Variants in COG5 observed in about 807,000 individuals in gnomAD.
COG5 encodes the protein component of oligomeric golgi complex 5.
Under a neutral mutation model 110.4 loss-of-function variants are expected in COG5, and 86 were observed. That is an observed-to-expected ratio of 0.78 (90% CI 0.65 to 0.93). COG5 has a LOEUF of 0.93. Among genes scored for constraint, COG5 ranks in the 40% least tolerant of loss-of-function variants. The probability of loss-of-function intolerance (pLI) is 0.00; values close to 1 mark genes in which losing one functional copy is unlikely to be tolerated. For synonymous variants in COG5, 360 were observed against 334.6 expected, an observed-to-expected ratio of 1.08 and a Z score of -0.83; for missense variants, 1,077 against 987.0, an observed-to-expected ratio of 1.09 and a Z score of -1.22.
Position 107,362,015 on chromosome 7 carries a change from A to G in COG5, c.1026+18T>C. ...TTTTGTACAAGAAAGATGTAAAAAT[A>G]TTTTCCTTTAAACATACCTTAACTA... On this transcript the variant is annotated intron_variant, in intron 10 of 21. Transcript: ENST00000297135. 6.6e-7 allele frequency: 1 copy of G among 1,517,564 alleles called. No homozygotes were observed. Among genetic ancestry groups the G allele is most frequent in the Non-Finnish European group, 9.1e-7 (1 of 1,098,928 alleles). 94.0% of individuals were successfully genotyped at this position (1,517,564 alleles called of 1,614,324 possible).
intron 6 of COG5, among the ~76,000 whole-genome samples, chr7:107,424,504 ACTT>A (rs1437916198): frequency 6.9e-6 from 1 of 144,660 alleles, no homozygotes; most frequent in Non-Finnish European, 1.5e-5. Context: ...CCTCAACAAA[ACTT>A]TTTTTTTTTT....
chr7:107,290,963 T>C (rs573930709), intron 12 of COG5, among the ~76,000 whole-genome samples: 7 of 152,296 alleles, frequency 4.6e-5, no homozygotes, highest in Non-Finnish European at 5.9e-5. Context: ...GCCGATTGTA[T>C]AGTTTTTCCC....
chr7:107,238,995 C>T (rs1376714996), intron 17 of COG5, among the ~76,000 whole-genome samples: 2 of 152,154 alleles, frequency 1.3e-5, no homozygotes, highest in Admixed American at 6.5e-5. Context: ...AATGTAATCA[C>T]ATTTGTCTAT....
chr7:107,219,525 C>G (rs1799755683), intron 19 of COG5, among the ~76,000 whole-genome samples: 1 of 152,162 alleles, frequency 6.6e-6, no homozygotes, highest in South Asian at 2.1e-4. Flanking sequence ...CAAATCCTGT[C>G]ATTCGACAAC....
At chr7:107,231,858 T>TA (rs1800798794) in intron 18 of COG5, among the ~76,000 whole-genome samples, 1 of 152,260 alleles carries the variant, frequency 6.6e-6, no homozygotes. Flanking sequence ...ATTTATTTAT[T>TA]AAAACAATAT....
chr7:107,294,916 T>C (rs1460368849), intron 12 of COG5, among the ~76,000 whole-genome samples: 1 of 93,898 alleles, frequency 1.1e-5, no homozygotes, highest in Admixed American at 1.1e-4. Flanking sequence ...TGTGTGTGTG[T>C]GTGTGTGTAT....
At chr7:107,238,279 A>G (rs1001202525) in intron 17 of COG5, among the ~76,000 whole-genome samples, 1 of 152,208 alleles carries the variant, frequency 6.6e-6, no homozygotes, top group African/African-American at 2.4e-5. Context: ...TTCACTTAGC[A>G]TAATGTTCTG....
In COG5 at chr7:107,216,603, G is replaced by A. The variant is rs573156251; in HGVS notation, c.2169-5378C>T. Reference sequence around the variant, plus strand: ...GACATCAATAATAGGAAAAATCTTTGAAATGCCACAAATATGTGGAAATTA... The same window carrying A: ...GACATCAATAATAGGAAAAATCTTTAAAATGCCACAAATATGTGGAAATTA... On this transcript the variant is annotated intron_variant, in intron 19 of 21. Transcript: ENST00000297135. 5.3e-5 allele frequency among the ~76,000 whole-genome samples: 8 copies of A among 152,202 alleles called. No individual in the cohort carries two copies. In the East Asian group the frequency reaches 1.5e-3, roughly 29 times the overall value.
Position 107,330,782 on chromosome 7 carries a change from T to C in COG5, c.1027-6261A>G, listed in dbSNP as rs1810166456. ...AGTAGAAATAATATTTTCATGGGAT[T>C]TATTTTGTTATGAAGAATCAGGATC... On this transcript the variant is annotated intron_variant, in intron 10 of 21. Transcript: ENST00000297135. Among the ~76,000 whole-genome samples, 4 of 152,186 alleles carry C rather than the reference T, an allele frequency of 2.6e-5. 1 individual carries two copies. In the South Asian group the frequency reaches 8.3e-4, roughly 32 times the overall value.
At chr7:107,255,940 C>T (rs1014402750) in intron 16 of COG5, among the ~76,000 whole-genome samples, 1 of 151,974 alleles carries the variant, frequency 6.6e-6, no homozygotes, top group Non-Finnish European at 1.5e-5. Flanking sequence ...CATTTACCAG[C>T]GATATGACCT....
At chr7:107,482,277 G>A (rs892100920) in intron 6 of COG5, among the ~76,000 whole-genome samples, 7 of 151,474 alleles carry the variant, frequency 4.6e-5, no homozygotes, top group Non-Finnish European at 1.0e-4. Flanking sequence ...TGAGTAGCCC[G>A]GACTACAGGC....
intron 6 of COG5, among the ~76,000 whole-genome samples, chr7:107,439,745 T>C (rs183957783): frequency 3.3e-5 from 5 of 152,292 alleles, no homozygotes; most frequent in Admixed American, 6.5e-5. Flanking sequence ...AAAGACAATT[T>C]TGTACTTTTG....
At chr7:107,428,966 G>C (rs1793831897) in intron 6 of COG5, among the ~76,000 whole-genome samples, 1 of 152,126 alleles carries the variant, frequency 6.6e-6, no homozygotes, top group Non-Finnish European at 1.5e-5. Flanking sequence ...AACTATATTG[G>C]CTTGAAGCAC....
chr7:107,273,393 T>C (rs531133581), intron 14 of COG5, among the ~76,000 whole-genome samples: 1 of 152,292 alleles, frequency 6.6e-6, no homozygotes, highest in South Asian at 2.1e-4. Context: ...GTTGACACTT[T>C]TATCTCCCAG....
At position 107,201,474 on chromosome 7, in the gene COG5, T is replaced by A. The variant is rs1320919449; in HGVS notation, c.*2042A>T. On this transcript the variant is annotated 3_prime_UTR_variant, in exon 22 of 22. Coordinates refer to ENST00000297135, the MANE Select transcript of COG5 (RefSeq NM_006348.5). ...CTTAAGTCTATATTTGCATATACATTGACTCTTGATGGAAAGACTTAAGAA... is the reference window on the plus strand; with the variant it reads ...CTTAAGTCTATATTTGCATATACATAGACTCTTGATGGAAAGACTTAAGAA... 1 of 1,273,816 alleles carries A rather than the reference T, an allele frequency of 7.9e-7. No homozygotes were observed. The allele number at this position is 1,273,816 out of a possible 1,614,324, so 78.9% of individuals were successfully genotyped here. A position where few individuals can be genotyped will look rare whatever the true frequency, so the allele number is the denominator to read the frequency against.
At chr7:107,417,438 T>C (rs1174913618) in intron 6 of COG5, among the ~76,000 whole-genome samples, 3 of 152,150 alleles carry the variant, frequency 2.0e-5, no homozygotes, top group East Asian at 1.9e-4. Context: ...TCCCAATATT[T>C]CATCAAATTA....
intron 6 of COG5, among the ~76,000 whole-genome samples, chr7:107,479,256 G>A (rs1797175047): frequency 6.6e-6 from 1 of 152,094 alleles, no homozygotes; most frequent in African/African-American, 2.4e-5. Context: ...TTCTTTGGAA[G>A]AAAGGTAATA....
chr7:107,555,065 C>T (rs1803207799), intron 2 of COG5, among the ~76,000 whole-genome samples: 1 of 152,182 alleles, frequency 6.6e-6, no homozygotes, highest in Admixed American at 6.5e-5. Flanking sequence ...ACCACCAAGG[C>T]TACATCCTAC....
chr7:107,222,626 G>A (rs1362468142), intron 19 of COG5, among the ~76,000 whole-genome samples: 1 of 152,182 alleles, frequency 6.6e-6, no homozygotes, highest in Admixed American at 6.5e-5. Context: ...TGTTTTGGGT[G>A]CTTGTTTTAA....
Sources: gnomAD v4.1 joint callset for allele counts (sites outside exome capture counted in the v4.1 genomes callset) on GRCh38, gnomAD v4.1.1 for gene constraint, MANE v1.5 for transcripts, NCBI Gene and HGNC (gene_info 2026-07-23, HGNC 2026-07-21) for gene names.